Variants in PCYT1B observed in about 807,000 individuals in gnomAD.
The protein encoded by PCYT1B is phosphate cytidylyltransferase 1B, choline.
Under a neutral mutation model 26.4 loss-of-function variants are expected in PCYT1B, and 10 were observed. The observed-to-expected ratio is 0.38, with a 90% confidence interval of 0.23 to 0.64. The LOEUF is 0.64. Among genes scored for constraint, PCYT1B ranks in the 30% least tolerant of loss-of-function variants. PCYT1B has a pLI of 0.56. For missense variants in PCYT1B, 161 were observed against 292.7 expected (o/e 0.55, Z 3.28); for synonymous variants, 131 against 108.4 (o/e 1.21, Z -1.29).
chrX:24,615,116 G>A (rs1344400646), intron 2 of PCYT1B, among the ~76,000 whole-genome samples: 2 of 111,837 alleles, frequency 1.8e-5, no homozygotes, highest in Non-Finnish European at 3.8e-5. Flanking sequence ...CACCGCCCTC[G>A]GCCTGATATT....
intron 1 of PCYT1B, among the ~76,000 whole-genome samples, chrX:24,628,844 C>T (rs1925959081): frequency 8.9e-6 from 1 of 111,859 alleles, no homozygotes; most frequent in African/African-American, 3.2e-5. Flanking sequence ...TAATTCTGAA[C>T]CTCTGATTAT....
upstream of PCYT1B, among the ~76,000 whole-genome samples, chrX:24,648,056 T>G: frequency 8.9e-6 from 1 of 112,280 alleles, no homozygotes; most frequent in Non-Finnish European, 1.9e-5. Context: ...ACTGCTCTAT[T>G]TTCTCTTGGT....
At chrX:24,582,277 A>G (rs969258551) in intron 5 of PCYT1B, among the ~76,000 whole-genome samples, 1 of 112,447 alleles carries the variant, frequency 8.9e-6, no homozygotes, top group Non-Finnish European at 1.9e-5. Flanking sequence ...AAGTCATGTA[A>G]GACATTGATG....
intron 3 of PCYT1B, among the ~76,000 whole-genome samples, chrX:24,593,892 A>G (rs1241541832): frequency 1.8e-5 from 2 of 110,699 alleles, no homozygotes; most frequent in Non-Finnish European, 3.8e-5. Flanking sequence ...GCATATAAAT[A>G]TATATATATA....
At chrX:24,662,933 C>T (rs1408966362) in intron 1 of PCYT1B, among the ~76,000 whole-genome samples, 1 of 111,783 alleles carries the variant, frequency 8.9e-6, no homozygotes, top group African/African-American at 3.3e-5. Context: ...TATACTTTTA[C>T]CAGTCAAGTC....
chrX:24,662,514 C>T (rs900304026), intron 1 of PCYT1B, among the ~76,000 whole-genome samples: 4 of 111,787 alleles, frequency 3.6e-5, no homozygotes, highest in African/African-American at 1.3e-4. Context: ...GAGGCAAAGG[C>T]TTGACGTGCA....
intron 1 of PCYT1B, among the ~76,000 whole-genome samples, chrX:24,653,272 C>A (rs1430912248): frequency 1.8e-5 from 2 of 111,179 alleles, no homozygotes; most frequent in African/African-American, 6.5e-5. Context: ...TCAGGACTTA[C>A]CATAATGACT....
At chrX:24,604,720 T>C (rs995987307) in intron 3 of PCYT1B, among the ~76,000 whole-genome samples, 6 of 111,437 alleles carry the variant, frequency 5.4e-5, no homozygotes, top group Non-Finnish European at 1.1e-4. Flanking sequence ...CATGCCCAGC[T>C]TTCACTCTTA....
At position 24,619,049 on chromosome X, in the gene PCYT1B, G is replaced by T; in HGVS notation, c.153C>A (p.Thr51=). 1 of 1,192,979 alleles carries T rather than the reference G, an allele frequency of 8.4e-7. No individual in the cohort carries two copies. The change falls in exon 2 of 8, where the codon ACC becomes ACA. Residue 51 remains threonine (T), a synonymous_variant. Coordinates refer to ENST00000379144, the MANE Select transcript of PCYT1B (RefSeq NM_004845.5). ...LTAPAPFADE[T]NCQCQAPHEK... is the part of the protein sequence containing the mutation. The stretch of plus-strand genomic sequence containing the variant: ...CATGGGGTGCTTGACACTGGCAGTT[G>T]GTTTCATCAGCAAATGGGGCAGGTG...
chrX:24,630,469 G>A (rs1926040857), intron 1 of PCYT1B, among the ~76,000 whole-genome samples: 2 of 110,643 alleles, frequency 1.8e-5, no homozygotes, highest in African/African-American at 6.6e-5. Flanking sequence ...CTAATTTTTT[G>A]TATTTTTGCT....
chrX:24,578,622 G>A (rs1479192058), intron 6 of PCYT1B, among the ~76,000 whole-genome samples: 1 of 112,048 alleles, frequency 8.9e-6, no homozygotes, highest in African/African-American at 3.2e-5. Context: ...TGGCCATTAA[G>A]GTTTCTAATG....
chrX:24,607,996 G>A, intron 2 of PCYT1B, 135 bp from the exon 3 acceptor site: 1 of 427,236 alleles, frequency 2.3e-6, no homozygotes, highest in Non-Finnish European at 4.1e-6. Context: ...GCACGAAATT[G>A]ATTTTAAAGG....
chrX:24,637,536 C>A (rs1362421765), intron 1 of PCYT1B, among the ~76,000 whole-genome samples: 1 of 84,307 alleles, frequency 1.2e-5, no homozygotes, highest in Non-Finnish European at 2.1e-5. Context: ...TGGTGGCGTG[C>A]ACCTGTAATC....
chrX:24,652,379 C>T (rs1450487989), intron 1 of PCYT1B, among the ~76,000 whole-genome samples: 7 of 109,033 alleles, frequency 6.4e-5, no homozygotes, highest in African/African-American at 2.3e-4. Context: ...GCCAACATAG[C>T]GAATCCCCGT....
intron 3 of PCYT1B, among the ~76,000 whole-genome samples, chrX:24,606,053 C>CAAAAAA (rs35072094): frequency 5.7e-5 from 3 of 52,444 alleles, no homozygotes; most frequent in Non-Finnish European, 1.0e-4. Context: ...GACTCCATCT[C>CAAAAAA]AAAAAAAAAA....
chrX:24,599,685 C>A (rs1924898488), intron 3 of PCYT1B, among the ~76,000 whole-genome samples: 1 of 111,092 alleles, frequency 9.0e-6, no homozygotes, highest in African/African-American at 3.3e-5. Flanking sequence ...AAAAGATTTG[C>A]AAACATTAAA....
At chrX:24,655,012 C>T (rs1003880769) in intron 1 of PCYT1B, among the ~76,000 whole-genome samples, 1 of 111,250 alleles carries the variant, frequency 9.0e-6, no homozygotes, top group African/African-American at 3.3e-5. Context: ...TCCTTTCCAC[C>T]CATTCCAGGA....
chrX:24,668,871 A>G (rs972066586), intron 1 of PCYT1B, among the ~76,000 whole-genome samples: 41 of 111,419 alleles, frequency 3.7e-4, no homozygotes, highest in African/African-American at 1.3e-3. Flanking sequence ...TGTAATTATC[A>G]TATCAATTGC....
At chrX:24,648,652 T>A (rs1361207664), upstream of PCYT1B, among the ~76,000 whole-genome samples, 1 of 108,727 alleles carries the variant, frequency 9.2e-6, no homozygotes. Flanking sequence ...AGCACCAACA[T>A]CAGCATCACC....
Sources: allele counts gnomAD v4.1 joint callset (sites outside exome capture counted in the v4.1 genomes callset), GRCh38; gene constraint gnomAD v4.1.1; transcripts MANE v1.5; gene names NCBI Gene and HGNC (gene_info 2026-07-23, HGNC 2026-07-21).